Variants in GRAMD1B observed in about 807,000 individuals in gnomAD.
GRAMD1B encodes the protein protein Aster-B.
A neutral mutation model predicts 99.7 loss-of-function variants in GRAMD1B; 37 were observed. The ratio of observed to expected loss-of-function variants is 0.37; its 90% CI spans 0.29 to 0.49. The LOEUF is 0.49. Ranked by LOEUF, GRAMD1B falls within the 20% of genes least tolerant of loss-of-function variation. The pLI is 0.98. For synonymous variants in GRAMD1B, 427 were observed against 387.6 expected (o/e 1.10, Z -1.19); for missense variants, 888 against 1,009.2 (o/e 0.88, Z 1.63).
intron 1 of GRAMD1B, among the ~76,000 whole-genome samples, chr11:123,406,109 G>A (rs11219130): frequency 0.023 from 3,506 of 151,718 alleles, 132 homozygotes; most frequent in African/African-American, 0.081. Flanking sequence ...CTGCCTCCCG[G>A]GTTCAAATGA....
chr11:123,612,014 C>T (rs1018263250), intron 14 of GRAMD1B, among the ~76,000 whole-genome samples: 4 of 152,056 alleles, frequency 2.6e-5, no homozygotes, highest in African/African-American at 9.7e-5. Context: ...AGCAAGAATG[C>T]TTGGAAAAGA....
At chr11:123,546,341 G>A (rs1342063331) in intron 2 of GRAMD1B, among the ~76,000 whole-genome samples, 2 of 152,196 alleles carry the variant, frequency 1.3e-5, no homozygotes, top group African/African-American at 4.8e-5. Flanking sequence ...ACGCATCCAA[G>A]CTTTTATTAT....
chr11:123,360,215 T>C (rs1374447945), intron 1 of GRAMD1B, among the ~76,000 whole-genome samples: 1 of 152,228 alleles, frequency 6.6e-6, no homozygotes, highest in African/African-American at 2.4e-5. Flanking sequence ...TAGGAAAGTG[T>C]AGACATGTAA....
Position 123,616,348 on chromosome 11 carries a change from G to A in GRAMD1B, c.2318+1513G>A, listed in dbSNP as rs117523480. Among the ~76,000 whole-genome samples, 782 of 152,250 alleles carry A rather than the reference G, an allele frequency of 5.1e-3. 6 individuals carry two copies. The highest frequency in any genetic ancestry group is 8.9e-3 in the Non-Finnish European group (603 of 68,008). ...ATAAATAAATAAGTAAATAAAAGTA[G>A]CTGTAAAACTAGTAAAAGTCACACT... On this transcript the variant is annotated intron_variant, in intron 17 of 19. Coordinates refer to ENST00000635736, the MANE Select transcript of GRAMD1B (RefSeq NM_001387025.1).
At chr11:123,465,623 G>A (rs560855518) in intron 1 of GRAMD1B, among the ~76,000 whole-genome samples, 1 of 151,810 alleles carries the variant, frequency 6.6e-6, no homozygotes, top group Non-Finnish European at 1.5e-5. Flanking sequence ...TACAAAATTA[G>A]CCGGGTGTGG....
chr11:123,605,351 A>G lies in GRAMD1B; in HGVS notation c.1196A>G (p.Asn399Ser). ...TGTGAAGAGATCCCTGTGGAAGAGA[A>G]TGAAGTGAATGACAGCTCATCCAAG... Reference protein sequence around the residue: ...GYCEEIPVEENEVNDSSSKSS... With the variant: ...GYCEEIPVEESEVNDSSSKSS... Residue 399 changes from asparagine (N) to serine (S), a missense_variant, in exon 10 of 20, where the codon AAT becomes AGT. Physicochemically the swap from Asn to Ser is conservative, Grantham distance 46. This residue lies in a region of GRAMD1B where 269 missense variants were observed against 296.6 expected (regional missense o/e 0.91). Transcript: ENST00000635736. The G allele has an allele frequency of 1.2e-6, 2 of 1,612,516 alleles. No individual in the cohort carries two copies. Among genetic ancestry groups the G allele is most frequent in the Non-Finnish European group, 1.7e-6 (2 of 1,178,972 alleles).
At position 123,605,495 on chromosome 11, in the gene GRAMD1B, T is replaced by G; in HGVS notation, c.1323+17T>G. On this transcript the variant is annotated intron_variant, in intron 10 of 19. Coordinates refer to ENST00000635736, the MANE Select transcript of GRAMD1B (RefSeq NM_001387025.1). Reference sequence around the variant, plus strand: ...CCCGTCTCGGTATGGGCAGTCAGCCTTTGACTTCTACCCCCAGTCCTGTGG... The same window carrying G: ...CCCGTCTCGGTATGGGCAGTCAGCCGTTGACTTCTACCCCCAGTCCTGTGG... 6.3e-7 allele frequency: 1 copy of G among 1,597,578 alleles called. No homozygotes were observed. Among genetic ancestry groups the G allele is most frequent in the Non-Finnish European group, 8.5e-7 (1 of 1,170,368 alleles).
chr11:123,554,828 CCACT>C (rs971244270), intron 2 of GRAMD1B, among the ~76,000 whole-genome samples: 14 of 152,286 alleles, frequency 9.2e-5, no homozygotes, highest in Admixed American at 7.8e-4. Context: ...TAGGATTGAG[CCACT>C]CACTCACTGA....
At chr11:123,478,496 A>T (rs1055299145) in intron 1 of GRAMD1B, among the ~76,000 whole-genome samples, 1 of 152,158 alleles carries the variant, frequency 6.6e-6, no homozygotes, top group Non-Finnish European at 1.5e-5. Context: ...CAGGCCAGAG[A>T]GGGGCGCCAG....
chr11:123,401,017 C>T (rs954985810), intron 1 of GRAMD1B, among the ~76,000 whole-genome samples: 5 of 152,000 alleles, frequency 3.3e-5, no homozygotes, highest in Non-Finnish European at 5.9e-5. Flanking sequence ...CTCTCTCTCT[C>T]TAACAATATG....
chr11:123,406,968 G>C (rs1260905255), intron 1 of GRAMD1B, among the ~76,000 whole-genome samples: 1 of 152,108 alleles, frequency 6.6e-6, no homozygotes, highest in Non-Finnish European at 1.5e-5. Context: ...CTGCACCTGT[G>C]GTATTTACCC....
At chr11:123,428,735 C>T (rs1948741385), upstream of GRAMD1B, among the ~76,000 whole-genome samples, 1 of 152,180 alleles carries the variant, frequency 6.6e-6, no homozygotes, top group Non-Finnish European at 1.5e-5. Context: ...TGTGAATTTT[C>T]CTCAGCTTCG....
intron 2 of GRAMD1B, among the ~76,000 whole-genome samples, chr11:123,571,805 T>G (rs1300955851): frequency 6.6e-6 from 1 of 152,170 alleles, no homozygotes; most frequent in Admixed American, 6.5e-5. Flanking sequence ...TTGTTCATGC[T>G]GTCCGCCACC....
chr11:123,418,668 C>A (rs1430971208), intron 1 of GRAMD1B, among the ~76,000 whole-genome samples: 3 of 152,184 alleles, frequency 2.0e-5, no homozygotes, highest in Non-Finnish European at 4.4e-5. Flanking sequence ...ACAGTCAGAG[C>A]TGCCCCTAGG....
intron 2 of GRAMD1B, among the ~76,000 whole-genome samples, chr11:123,522,864 G>T (rs1942331754): frequency 6.6e-6 from 1 of 152,148 alleles, no homozygotes; most frequent in Non-Finnish European, 1.5e-5. Context: ...CTGTTACCTG[G>T]ATTCTTTTTC....
chr11:123,618,322 T>G (rs1294540733), intron 17 of GRAMD1B: 34 of 1,608,990 alleles, frequency 2.1e-5, no homozygotes, highest in Non-Finnish European at 2.8e-5. Context: ...CTCCTCCCCA[T>G]TTTTCTTCCT....
chr11:123,436,345 T>C (rs188628474), intron 1 of GRAMD1B, among the ~76,000 whole-genome samples: 2 of 152,290 alleles, frequency 1.3e-5, no homozygotes, highest in East Asian at 3.9e-4. Context: ...GGTTAACAAA[T>C]GCCTATAGGT....
rs545661007 is a variant in GRAMD1B, at chr11:123,568,626, G to A, written c.453-8741G>A. Among the ~76,000 whole-genome samples the A allele has an allele frequency of 5.3e-5, 8 of 152,362 alleles. No homozygotes were observed. In the South Asian group the frequency reaches 6.2e-4, roughly 12 times the overall value. ...AGGAACTGTGACAGGGAAGAAAGGC[G>A]TTAGCTTGGGAGCCCTTTCCCTTTC... On this transcript the variant is annotated intron_variant, in intron 2 of 19. Coordinates refer to ENST00000635736, the MANE Select transcript of GRAMD1B (RefSeq NM_001387025.1).
chr11:123,621,374 C>T (rs1435200326), intron 19 of GRAMD1B, among the ~76,000 whole-genome samples: 2 of 152,188 alleles, frequency 1.3e-5, no homozygotes, highest in East Asian at 3.9e-4. Context: ...AGACTGCAGT[C>T]TATGACCTAA....
Sources: allele counts gnomAD v4.1 joint callset (sites outside exome capture counted in the v4.1 genomes callset), GRCh38; gene constraint gnomAD v4.1.1; regional missense constraint gnomAD v4.1.1; transcripts MANE v1.5; gene names NCBI Gene and HGNC (gene_info 2026-07-23, HGNC 2026-07-21).